RAP1A: variants seen among roughly 807,000 people sequenced by gnomAD.
The protein encoded by RAP1A is ras-related protein Rap-1A.
Under a neutral mutation model 26.4 loss-of-function variants are expected in RAP1A, and 6 were observed. That is an observed-to-expected ratio of 0.23 (90% CI 0.12 to 0.45). The LOEUF (loss-of-function observed/expected upper bound fraction) is 0.45, where lower values mean the gene tolerates loss of function less well. Among genes scored for constraint, RAP1A ranks in the 20% least tolerant of loss-of-function variants. RAP1A has a pLI of 0.99. For missense variants in RAP1A, 121 were observed against 217.2 expected (o/e 0.56, Z 2.78); for synonymous variants, 73 against 79.4 (o/e 0.92, Z 0.43).
chr1:111,549,877 TCC>T (rs1657192378), intron 1 of RAP1A, among the ~76,000 whole-genome samples: 1 of 152,132 alleles, frequency 6.6e-6, no homozygotes, highest in Non-Finnish European at 1.5e-5. Flanking sequence ...GGCCTTAAAC[TCC>T]TAGCCTCAAG....
chr1:111,666,552 G>C (rs1042419199), intron 1 of RAP1A, among the ~76,000 whole-genome samples: 1 of 151,838 alleles, frequency 6.6e-6, no homozygotes, highest in African/African-American at 2.4e-5. Flanking sequence ...ATGTAAATTA[G>C]GTTTTAACAC....
At chr1:111,596,347 C>T (rs1186878852) in intron 1 of RAP1A, among the ~76,000 whole-genome samples, 3 of 152,176 alleles carry the variant, frequency 2.0e-5, no homozygotes, top group East Asian at 1.9e-4. Context: ...GGACAGCTTC[C>T]ACCTCCCAGT....
chr1:111,672,786 T>G (rs959842805), intron 1 of RAP1A, among the ~76,000 whole-genome samples: 4 of 152,218 alleles, frequency 2.6e-5, no homozygotes, highest in Non-Finnish European at 5.9e-5. Context: ...CTACAAGTTT[T>G]TTAGGATTTT....
upstream of RAP1A, among the ~76,000 whole-genome samples, chr1:111,615,536 AG>A (rs1658996460): frequency 6.6e-6 from 1 of 152,156 alleles, no homozygotes; most frequent in Non-Finnish European, 1.5e-5. Context: ...AAAATTAAAT[AG>A]GATTTAAAAT....
chr1:111,575,036 A>G (rs1053707699), intron 1 of RAP1A, among the ~76,000 whole-genome samples: 2 of 152,268 alleles, frequency 1.3e-5, no homozygotes, highest in African/African-American at 4.8e-5. Flanking sequence ...GCCACATAGT[A>G]AATATTCTAA....
At chr1:111,674,283 A>G (rs1026902653) in intron 1 of RAP1A, among the ~76,000 whole-genome samples, 1 of 137,138 alleles carries the variant, frequency 7.3e-6, no homozygotes, top group Admixed American at 7.6e-5. Flanking sequence ...CTTTTCATGG[A>G]CATCACTTTT....
At chr1:111,573,800 T>C (rs1658095458) in intron 1 of RAP1A, among the ~76,000 whole-genome samples, 1 of 152,320 alleles carries the variant, frequency 6.6e-6, no homozygotes, top group Middle Eastern at 3.4e-3. Flanking sequence ...GCCCATTTTT[T>C]AATGGTTTTT....
intron 1 of RAP1A, among the ~76,000 whole-genome samples, chr1:111,660,927 C>T (rs1660616084): frequency 6.6e-6 from 1 of 152,244 alleles, no homozygotes; most frequent in Non-Finnish European, 1.5e-5. Context: ...TGCCCATCAT[C>T]TTTAGTTGTT....
intron 1 of RAP1A, among the ~76,000 whole-genome samples, chr1:111,547,016 T>C (rs1230867873): frequency 1.3e-5 from 2 of 152,228 alleles, no homozygotes; most frequent in Middle Eastern, 3.2e-3. Context: ...AGGATTGTGT[T>C]CTTTTTGATG....
chr1:111,709,517 G>T (rs1662310172), intron 7 of RAP1A, among the ~76,000 whole-genome samples: 1 of 151,992 alleles, frequency 6.6e-6, no homozygotes, highest in South Asian at 2.1e-4. Flanking sequence ...TACAGAGTTG[G>T]GTTTTAAAAA....
At chr1:111,687,858 A>G (rs921072844) in intron 1 of RAP1A, among the ~76,000 whole-genome samples, 15 of 152,002 alleles carry the variant, frequency 9.9e-5, no homozygotes, top group African/African-American at 3.6e-4. Flanking sequence ...TACAAAAAAA[A>G]TTAGAAACAT....
At chr1:111,680,937 G>A (rs1047892059) in intron 1 of RAP1A, among the ~76,000 whole-genome samples, 2 of 152,192 alleles carry the variant, frequency 1.3e-5, no homozygotes, top group Admixed American at 6.5e-5. Flanking sequence ...TGAAGATGAG[G>A]AAAAACCAGC....
chr1:111,678,419 A>G (rs1335331197), intron 1 of RAP1A, among the ~76,000 whole-genome samples: 1 of 152,206 alleles, frequency 6.6e-6, no homozygotes, highest in Non-Finnish European at 1.5e-5. Flanking sequence ...GCCAGTGTAT[A>G]GAAATACAGT....
At chr1:111,630,911 A>C (rs1659548145) in intron 1 of RAP1A, among the ~76,000 whole-genome samples, 1 of 152,226 alleles carries the variant, frequency 6.6e-6, no homozygotes, top group Non-Finnish European at 1.5e-5. Flanking sequence ...AATAATACTC[A>C]TTTAAATCTG....
Position 111,648,655 on chromosome 1 carries a change from G to A in RAP1A, c.-28+28721G>A, listed in dbSNP as rs776112380. ...GCCTTCACATTTCTCACTGAGTCCA[G>A]GTCAATCTTTAAGGACTGGACTGTA... On this transcript the variant is annotated intron_variant, in intron 1 of 7. Coordinates refer to ENST00000369709, the MANE Select transcript of RAP1A (RefSeq NM_002884.4). The A allele has an allele frequency of 1.1e-3, 569 of 526,894 alleles. 2 individuals are homozygous for A. Among genetic ancestry groups the A allele is most frequent in the Non-Finnish European group, 1.8e-3 (507 of 280,318 alleles). The allele number at this position is 526,894 out of a possible 1,614,324, so 32.6% of individuals were successfully genotyped here. A position where few individuals can be genotyped will look rare whatever the true frequency, so the allele number is the denominator to read the frequency against.
chr1:111,613,152 GTT>G (rs149014253), intron 1 of RAP1A, among the ~76,000 whole-genome samples: 28 of 142,820 alleles, frequency 2.0e-4, no homozygotes, highest in Admixed American at 7.7e-4. Context: ...AAAACGTAGG[GTT>G]TTTTTTTTTT....
intron 1 of RAP1A, among the ~76,000 whole-genome samples, chr1:111,688,479 C>G (rs1661564347): frequency 6.6e-6 from 1 of 151,476 alleles, no homozygotes; most frequent in Non-Finnish European, 1.5e-5. Context: ...ACCACCACGC[C>G]CAGCTAATTT....
intron 1 of RAP1A, among the ~76,000 whole-genome samples, chr1:111,606,332 G>A (rs1393372494): frequency 6.7e-6 from 1 of 148,966 alleles, no homozygotes; most frequent in Non-Finnish European, 1.5e-5. Flanking sequence ...TCAGGATGAG[G>A]AACCTTTAAA....
chr1:111,569,719 G>A (rs554388026), intron 1 of RAP1A, among the ~76,000 whole-genome samples: 12 of 151,988 alleles, frequency 7.9e-5, no homozygotes, highest in Non-Finnish European at 1.5e-4. Context: ...CTCTAAGATG[G>A]GGAGGTACCT....
Sources: allele counts gnomAD v4.1 joint callset (sites outside exome capture counted in the v4.1 genomes callset), GRCh38; gene constraint gnomAD v4.1.1; transcripts MANE v1.5; gene names NCBI Gene and HGNC (gene_info 2026-07-23, HGNC 2026-07-21).